The following C12orf42 variants were observed in gnomAD, a reference collection of about 807,000 sequenced individuals.
C12orf42 encodes chromosome 12 open reading frame 42, also known as uncharacterized protein C12orf42.
A neutral mutation model predicts 21.6 loss-of-function variants in C12orf42; 25 were observed. That is an observed-to-expected ratio of 1.16 (90% confidence interval 0.84 to 1.62). The LOEUF is 1.62. Ranked by LOEUF, C12orf42 falls within the 40% of genes most tolerant of loss-of-function variation. C12orf42 has a pLI of 0.00. For missense variants in C12orf42, 483 were observed against 459.3 expected (o/e 1.05, Z -0.47); for synonymous variants, 174 against 175.0 (o/e 0.99, Z 0.05).
chr12:103,399,371 A>ATTTG (rs992389762), intron 3 of C12orf42, among the ~76,000 whole-genome samples: 25 of 150,892 alleles, frequency 1.7e-4, no homozygotes, highest in Middle Eastern at 3.4e-3. Context: ...GTTGTTGTTT[A>ATTTG]TTTGTTTGTT....
At position 103,434,944 on chromosome 12, in the gene C12orf42, G is replaced by T. The variant is rs942810063; in HGVS notation, c.79-33269C>A. Among the ~76,000 whole-genome samples, 155 of 152,342 alleles carry T rather than the reference G, an allele frequency of 1.0e-3. 2 individuals are homozygous for T. Among genetic ancestry groups the T allele is most frequent in the Admixed American group, 9.8e-4 (15 of 15,306 alleles). ...TGCCTCTGCAGGCTCCACCTCGGGG[G>T]GCAGGGCACAGACAAACAAAAAGAC... On this transcript the variant is annotated intron_variant, in intron 2 of 5. Coordinates refer to ENST00000548883, the MANE Select transcript of C12orf42 (RefSeq NM_198521.5).
At chr12:103,333,713 G>A (rs1040938296) in intron 4 of C12orf42, among the ~76,000 whole-genome samples, 2 of 151,834 alleles carry the variant, frequency 1.3e-5, no homozygotes, top group African/African-American at 4.8e-5. Flanking sequence ...TTCAGAGATA[G>A]AATTTCAAAA....
At chr12:103,100,909 C>A in the C12orf42 span, among the ~76,000 whole-genome samples, 10 of 152,116 alleles carry the variant, frequency 6.6e-5, no homozygotes, top group African/African-American at 2.2e-4. Context: ...GAGTACCTCC[C>A]AAGATAGTGG....
chr12:103,487,648 G>T (rs1054843531), intron 1 of C12orf42, among the ~76,000 whole-genome samples: 1 of 152,156 alleles, frequency 6.6e-6, no homozygotes, highest in Non-Finnish European at 1.5e-5. Flanking sequence ...CCTGCATTGG[G>T]TGCATATATA....
chr12:103,050,825 T>C, the C12orf42 span, among the ~76,000 whole-genome samples: 1 of 152,192 alleles, frequency 6.6e-6, no homozygotes, highest in Non-Finnish European at 1.5e-5. Flanking sequence ...AGAGCCAGCT[T>C]CAAACCTCTA....
At chr12:103,507,099 TATATA>T in the C12orf42 span, among the ~76,000 whole-genome samples, 1 of 12,706 alleles carries the variant, frequency 7.9e-5, no homozygotes, top group South Asian at 5.4e-3. Context: ...ATATATTATA[TATATA>T]ATATAAATAT....
intron 4 of C12orf42, among the ~76,000 whole-genome samples, chr12:103,284,336 A>G (rs1226967606): frequency 6.6e-6 from 1 of 152,168 alleles, no homozygotes; most frequent in Non-Finnish European, 1.5e-5. Context: ...TGGGGAAAAA[A>G]AAGCAGAATG....
chr12:103,123,679 G>A, the C12orf42 span, among the ~76,000 whole-genome samples: 1 of 151,704 alleles, frequency 6.6e-6, no homozygotes, highest in Non-Finnish European at 1.5e-5. Context: ...AACTACTTAT[G>A]GATTTCAAAG....
intron 1 of C12orf42, among the ~76,000 whole-genome samples, chr12:103,491,967 G>C (rs1361804380): frequency 6.6e-6 from 1 of 150,474 alleles, no homozygotes; most frequent in Non-Finnish European, 1.5e-5. Flanking sequence ...TTTTTTGTTT[G>C]TTTGTTTAAG....
chr12:103,562,294 C>G, the C12orf42 span, among the ~76,000 whole-genome samples: 1,169 of 152,284 alleles, frequency 7.7e-3, 11 homozygotes, highest in Middle Eastern at 0.017. Flanking sequence ...CACCTCAGAA[C>G]TTCTGCTAAA....
At chr12:103,555,427 C>A in the C12orf42 span, among the ~76,000 whole-genome samples, 3 of 151,994 alleles carry the variant, frequency 2.0e-5, no homozygotes, top group Admixed American at 6.5e-5. Flanking sequence ...TCAATTACCT[C>A]CCACCGGGTC....
At chr12:103,342,701 T>A (rs1347767647) in intron 4 of C12orf42, among the ~76,000 whole-genome samples, 2 of 125,234 alleles carry the variant, frequency 1.6e-5, no homozygotes, top group East Asian at 5.3e-4. Context: ...ACAAGCCCAC[T>A]CTTAAGCAAA....
chr12:103,098,121 T>C, the C12orf42 span, among the ~76,000 whole-genome samples: 1 of 152,222 alleles, frequency 6.6e-6, no homozygotes, highest in Admixed American at 6.5e-5. Flanking sequence ...TTAAGGAAAT[T>C]TCTATCTGCA....
chr12:103,200,298 A>G, the C12orf42 span, among the ~76,000 whole-genome samples: 2 of 152,160 alleles, frequency 1.3e-5, no homozygotes, highest in Admixed American at 6.5e-5. Context: ...TAGAAGTAGA[A>G]AGTGGAATGG....
chr12:103,501,247 A>G, the C12orf42 span, among the ~76,000 whole-genome samples: 185 of 152,360 alleles, frequency 1.2e-3, no homozygotes, highest in Non-Finnish European at 2.2e-3. Flanking sequence ...CTCAGTTGTC[A>G]GGCAAAGGAG....
chr12:103,461,214 T>C (rs1952676518), intron 2 of C12orf42, among the ~76,000 whole-genome samples: 1 of 152,224 alleles, frequency 6.6e-6, no homozygotes. Context: ...TTGAAGAGTA[T>C]GCAAAAGACC....
chr12:103,294,306 C>T (rs1321275795), intron 4 of C12orf42, among the ~76,000 whole-genome samples: 1 of 144,582 alleles, frequency 6.9e-6, no homozygotes, highest in African/African-American at 2.6e-5. Flanking sequence ...AGGGAAAACA[C>T]AGAGCATGGG....
chr12:103,242,074 T>C (rs1194608775), intron 10 of C12orf42, among the ~76,000 whole-genome samples: 1 of 152,168 alleles, frequency 6.6e-6, no homozygotes, highest in Non-Finnish European at 1.5e-5. Context: ...TGGATGCGTC[T>C]TTTATTCTCT....
the C12orf42 span, among the ~76,000 whole-genome samples, chr12:103,207,477 C>T: frequency 6.6e-6 from 1 of 152,352 alleles, no homozygotes; most frequent in Non-Finnish European, 1.5e-5. Flanking sequence ...TGCTCACATT[C>T]ATGGACATAA....
Sources: allele counts gnomAD v4.1 joint callset (sites outside exome capture counted in the v4.1 genomes callset), GRCh38; gene constraint gnomAD v4.1.1; transcripts MANE v1.5; gene names NCBI Gene and HGNC (gene_info 2026-07-23, HGNC 2026-07-21).